RIBC2: variants seen among roughly 807,000 people sequenced by gnomAD.
RIBC2 encodes the protein RIB43A domain with coiled-coils 2.
RIBC2 carries 40 observed loss-of-function variants against 44.3 expected under a neutral mutation model. The ratio of observed to expected loss-of-function variants is 0.90; its 90% CI spans 0.70 to 1.18. The LOEUF (loss-of-function observed/expected upper bound fraction) is 1.18. Ranked by LOEUF, RIBC2 falls within the 50% of genes most tolerant of loss-of-function variation. The pLI is 0.00. For missense variants in RIBC2, 459 were observed against 485.5 expected (o/e 0.95, Z 0.51); for synonymous variants, 171 against 175.0 (o/e 0.98, Z 0.18).
chr22:45,422,503 T>G (rs2087496250), intron 4 of RIBC2, 95 bp downstream of exon 4: 2 of 869,398 alleles, frequency 2.3e-6, no homozygotes, highest in South Asian at 2.9e-5. Context: ...GGGATCCCAG[T>G]CTCAGCCTGC....
chr22:45,415,055 A>G (rs2087408033), intron 2 of RIBC2, among the ~76,000 whole-genome samples: 1 of 152,086 alleles, frequency 6.6e-6, no homozygotes, highest in Non-Finnish European at 1.5e-5. Context: ...AATACAACTT[A>G]TTTTCCCCTA....
intron 6 of RIBC2, among the ~76,000 whole-genome samples, chr22:45,431,760 G>A (rs2087582726): frequency 6.6e-6 from 1 of 152,128 alleles, no homozygotes; most frequent in Non-Finnish European, 1.5e-5. Flanking sequence ...ATGAGGTCAG[G>A]AGTTTGAGAC....
intron 2 of RIBC2, among the ~76,000 whole-genome samples, chr22:45,415,745 G>A (rs987338981): frequency 2.0e-4 from 30 of 152,028 alleles, no homozygotes; most frequent in Admixed American, 1.5e-3. Flanking sequence ...TGTCTTCCAG[G>A]CTGGAGAGCT....
intron 3 of RIBC2, among the ~76,000 whole-genome samples, chr22:45,421,816 C>T (rs1018701580): frequency 6.6e-6 from 1 of 151,956 alleles, no homozygotes; most frequent in African/African-American, 2.4e-5. Context: ...TTCTCTTACT[C>T]ATTGGCCTGA....
intron 3 of RIBC2, 48 bp downstream of exon 3, chr22:45,417,994 A>C: frequency 4.9e-6 from 6 of 1,223,636 alleles, no homozygotes; most frequent in South Asian, 1.7e-5. Flanking sequence ...TCTTCAACAA[A>C]CCAACCCTAC....
intron 2 of RIBC2, among the ~76,000 whole-genome samples, chr22:45,416,841 T>C (rs1048328769): frequency 2.6e-5 from 4 of 152,116 alleles, no homozygotes; most frequent in African/African-American, 9.7e-5. Context: ...TTCGATTCAT[T>C]GGATGTTTCC....
At chr22:45,421,112 A>G (rs973651536) in intron 3 of RIBC2, among the ~76,000 whole-genome samples, 1 of 151,966 alleles carries the variant, frequency 6.6e-6, no homozygotes, top group Non-Finnish European at 1.5e-5. Flanking sequence ...CCTGGCCAAC[A>G]TGGTGAAACC....
rs190222007 is a variant in RIBC2, at chr22:45,430,536, G to C, written c.904-364G>C. ...TGGCTCATGGAGGTGGCATCTGACA[G>C]CTGACTGAGCCAGGGAGCCCCCTGA... On this transcript the variant is annotated intron_variant, in intron 5 of 6. Transcript: ENST00000614167. Among the ~76,000 whole-genome samples the C allele has an allele frequency of 2.0e-5, 3 of 152,334 alleles. No individual in the cohort carries two copies. The East Asian group carries it at 5.8e-4, about 29-fold the overall frequency.
At position 45,431,008 on chromosome 22, in the gene RIBC2, G is replaced by C; in HGVS notation, c.1012G>C (p.Asp338His). Residue 338 changes from aspartate to histidine, a missense_variant, in exon 6 of 7, where the codon GAC becomes CAC. Physicochemically the swap from Asp to His is moderately conservative, Grantham distance 81. Transcript: ENST00000614167. ...GCGGCAGCAGTGGCGGCGGCAGCGC[G>C]ACCTGCGCAGAGCTCTGGACAGCAG... is the stretch of plus-strand genomic sequence containing the variant. The part of the protein sequence containing the change: ...FERQQWRRQR[D>H]LRRALDSSNL... The C allele has an allele frequency of 6.3e-7, 1 of 1,590,326 alleles. No individual in the cohort carries two copies. The highest frequency in any genetic ancestry group is 8.6e-7 in the Non-Finnish European group (1 of 1,169,160).
chr22:45,421,742 C>T (rs2087487293), intron 3 of RIBC2, among the ~76,000 whole-genome samples: 1 of 151,766 alleles, frequency 6.6e-6, no homozygotes, highest in East Asian at 1.9e-4. Context: ...TCCTCTGACT[C>T]CAAATCTTCA....
chr22:45,429,357 GTC>G (rs1437250068), intron 5 of RIBC2, among the ~76,000 whole-genome samples: 1 of 152,194 alleles, frequency 6.6e-6, no homozygotes, highest in Non-Finnish European at 1.5e-5. Flanking sequence ...AGAGAGGGCT[GTC>G]TCTGTGTGTG....
chr22:45,421,598 T>G (rs1453615576), intron 3 of RIBC2, among the ~76,000 whole-genome samples: 4 of 142,748 alleles, frequency 2.8e-5, no homozygotes, highest in Non-Finnish European at 4.5e-5. Flanking sequence ...AATAATAGTA[T>G]TATTAATAAT....
intron 3 of RIBC2, chr22:45,418,380 G>A (rs1293920991): frequency 1.3e-5 from 2 of 158,340 alleles, no homozygotes; most frequent in Non-Finnish European, 2.8e-5. Flanking sequence ...CAGGCATGGT[G>A]GTCACATGCC....
At position 45,417,882 on chromosome 22, in the gene RIBC2, CAG is replaced by C. The variant is rs772534866; in HGVS notation, c.496_497del (p.Glu166MetfsTer15). On this transcript the variant is annotated frameshift_variant, in exon 3 of 7. Transcript: ENST00000614167. LOFTEE classifies it high-confidence loss of function. Reference sequence around the variant, plus strand: ...GGAAGAAATTCCAAGAGGAACAAAACAGAGAATGGTCTTTGCAGCAGCAAAGG... The same window carrying C: ...GGAAGAAATTCCAAGAGGAACAAAACAGAATGGTCTTTGCAGCAGCAAAGG... ...ERKKFQEEQN[R>X]EWSLQQQREW... is the part of the protein sequence containing the mutation. The C allele has an allele frequency of 3.1e-6, 5 of 1,613,808 alleles. No individual in the cohort carries two copies. The highest frequency in any genetic ancestry group is 1.3e-5 in the African/African-American group (1 of 74,900).
In RIBC2 at chr22:45,417,956, C is replaced by A; in HGVS notation, c.556+10C>A. 6.4e-7 allele frequency: 1 copy of A among 1,563,930 alleles called. No individual in the cohort carries two copies. Among genetic ancestry groups the A allele is most frequent in the Admixed American group, 1.9e-5 (1 of 53,354 alleles). On this transcript the variant is annotated intron_variant, in intron 3 of 6. Coordinates refer to ENST00000614167, the MANE Select transcript of RIBC2 (RefSeq NM_015653.5). ...GAACAAAAATGCGCAGGTAATGAAA[C>A]AGAAGAGACGAGCTGGTCTCAACGC...
At chr22:45,417,076 T>G (rs2087432234) in intron 2 of RIBC2, among the ~76,000 whole-genome samples, 4 of 151,870 alleles carry the variant, frequency 2.6e-5, no homozygotes, top group South Asian at 4.2e-4. Context: ...TAATTTTGAA[T>G]TTTTAGTAGA....
intron 2 of RIBC2, among the ~76,000 whole-genome samples, chr22:45,415,633 T>C (rs1385312722): frequency 6.6e-6 from 1 of 151,786 alleles, no homozygotes; most frequent in Admixed American, 6.6e-5. Context: ...ATAACAACAC[T>C]GCCCTGCCCC....
At chr22:45,417,235 C>G (rs1457887050) in intron 2 of RIBC2, among the ~76,000 whole-genome samples, 1 of 152,102 alleles carries the variant, frequency 6.6e-6, no homozygotes, top group Non-Finnish European at 1.5e-5. Context: ...CTGGCCGTTC[C>G]TACACTTTGC....
rs1289721699 is a variant in RIBC2, at chr22:45,413,712, G to C, written c.-175G>C. The C allele has an allele frequency of 1.7e-6, 2 of 1,158,012 alleles. No homozygotes were observed. The highest frequency in any genetic ancestry group is 2.3e-5 in the Admixed American group (1 of 43,108). 71.7% of individuals were successfully genotyped at this position (1,158,012 alleles called of 1,614,324 possible). On this transcript the variant is annotated 5_prime_UTR_variant, in exon 1 of 7. Transcript: ENST00000614167. ...CAACGAGTTGTTGACATTTCCGAGA[G>C]AGCGGGAGCGTCTGTACCTCTGCGG...
Sources: gnomAD v4.1 joint callset for allele counts (sites outside exome capture counted in the v4.1 genomes callset) on GRCh38, gnomAD v4.1.1 for gene constraint, MANE v1.5 for transcripts, NCBI Gene and HGNC (gene_info 2026-07-23, HGNC 2026-07-21) for gene names.